Variants in SLC9A3 observed in about 807,000 individuals in gnomAD.
SLC9A3 encodes solute carrier family 9 member A3, also known as sodium/hydrogen exchanger 3.
In SLC9A3, 37 loss-of-function variants were observed where a neutral mutation model predicts 86.8. The ratio of observed to expected loss-of-function variants is 0.43; its 90% CI spans 0.33 to 0.56. The LOEUF (loss-of-function observed/expected upper bound fraction) is 0.56. Among genes scored for constraint, SLC9A3 ranks in the 20% least tolerant of loss-of-function variants. The pLI is 0.06. For missense variants in SLC9A3, 1,011 were observed against 1,171.9 expected (o/e 0.86, Z 2.00); for synonymous variants, 581 against 528.3 (o/e 1.10, Z -1.37).
Position 484,624 on chromosome 5 carries a change from C to T in SLC9A3, c.828G>A (p.Thr276=), listed in dbSNP as rs751031313. 6.0e-5 allele frequency: 96 copies of T among 1,613,122 alleles called. No individual in the cohort carries two copies. The highest frequency in any genetic ancestry group is 7.6e-5 in the Non-Finnish European group (90 of 1,179,954). ...VVFAFLLSLV[T]RFTKHVRIIE... ...TGATACGCACATGCTTGGTGAAGCG[C>T]GTCACCAGCGACAGCAGGAAGGCGA... is the stretch of plus-strand genomic sequence containing the variant. Residue 276 remains threonine (T), a synonymous_variant, in exon 5 of 17, where the codon ACG becomes ACA. Transcript: ENST00000264938.
At chr5:476,877 G>A (rs1327706026) in intron 11 of SLC9A3, among the ~76,000 whole-genome samples, 5 of 152,168 alleles carry the variant, frequency 3.3e-5, no homozygotes, top group Admixed American at 2.0e-4. Context: ...GACTCCCCAC[G>A]AGGCCTTCCT....
chr5:521,787 G>A (rs755289068), intron 1 of SLC9A3, among the ~76,000 whole-genome samples: 11 of 152,200 alleles, frequency 7.2e-5, no homozygotes, highest in Non-Finnish European at 1.3e-4. Context: ...AACACAGGTC[G>A]TGCACCTGAG....
chr5:479,785 G>A, intron 10 of SLC9A3, 51 bp downstream of exon 10: 3 of 1,602,158 alleles, frequency 1.9e-6, no homozygotes, highest in South Asian at 2.2e-5. Context: ...CCCACAGCCA[G>A]TGCCAGAGCC....
chr5:501,723 C>A (rs1185900156), intron 1 of SLC9A3, among the ~76,000 whole-genome samples: 1 of 152,266 alleles, frequency 6.6e-6, no homozygotes, highest in Non-Finnish European at 1.5e-5. Flanking sequence ...ACTTTACCCG[C>A]CTGTGGGGCA....
chr5:491,374 G>A lies in SLC9A3; in HGVS notation c.514+395C>T, dbSNP rs909489363. On this transcript the variant is annotated intron_variant, in intron 2 of 16. Transcript: ENST00000264938. This position sits in a 1 kb window ranked among gnomAD's most constrained non-coding sequence, Gnocchi z 9.2. ...GCTGTGGCTGCAGCGGTGGCCGAGC[G>A]GCTCCGGCACACAGGCTGGGAGGGA... 2.6e-5 allele frequency among the ~76,000 whole-genome samples: 4 copies of A among 152,150 alleles called. No individual in the cohort carries two copies. The highest frequency in any genetic ancestry group is 2.4e-5 in the African/African-American group (1 of 41,426).
At chr5:503,036 G>A (rs554903632) in intron 1 of SLC9A3, among the ~76,000 whole-genome samples, 5 of 152,156 alleles carry the variant, frequency 3.3e-5, no homozygotes, top group East Asian at 1.9e-4. Context: ...ACCAGTGGCC[G>A]GCCCACGGGC....
chr5:520,029 G>T (rs1289208325), intron 1 of SLC9A3, among the ~76,000 whole-genome samples: 1 of 152,130 alleles, frequency 6.6e-6, no homozygotes, highest in African/African-American at 2.4e-5. Context: ...AGCAACACAA[G>T]CTCCACTTCG....
chr5:492,559 A>G (rs936728892), intron 1 of SLC9A3, among the ~76,000 whole-genome samples: 2 of 151,766 alleles, frequency 1.3e-5, no homozygotes, highest in Non-Finnish European at 2.9e-5. Flanking sequence ...GCTGGGAACG[A>G]GGAGAGTGCA....
Position 476,024 on chromosome 5 carries a change from C to G in SLC9A3, c.2136G>C (p.Glu712Asp). The change falls in exon 14 of 17, where the codon GAG (glutamate) becomes GAC (aspartate). Residue 712 changes from glutamate to aspartate, a missense_variant. Glu to Asp is a conservative substitution (Grantham distance 45, BLOSUM62 2). Coordinates refer to ENST00000264938, the MANE Select transcript of SLC9A3 (RefSeq NM_004174.4). The stretch of plus-strand genomic sequence containing the variant: ...CCTGCAGGGCCCCCAGCGCACCTTT[C>G]TCCTTGATGGTGAAATTCTGCGCAG... Reference protein sequence around the residue: ...ESPAQNFTIKEKDLELSDTEE... With the variant: ...ESPAQNFTIKDKDLELSDTEE... The G allele has an allele frequency of 6.2e-7, 1 of 1,611,732 alleles. No homozygotes were observed. The highest frequency in any genetic ancestry group is 8.5e-7 in the Non-Finnish European group (1 of 1,179,138).
intron 2 of SLC9A3, among the ~76,000 whole-genome samples, chr5:489,113 C>G (rs60174161): frequency 0.082 from 12,553 of 152,280 alleles, 1,498 homozygotes; most frequent in African/African-American, 0.26. Context: ...CCATTCAACC[C>G]AGGGTTCAGG....
In SLC9A3 at chr5:471,897, A is replaced by G. The variant is rs1738377047; in HGVS notation, c.*1482T>C. Reference sequence around the variant, plus strand: ...CCACCAGGGACTCAATGGGGACTCAATGTGCAATATTCAGTCAACATAAAA... The same window carrying G: ...CCACCAGGGACTCAATGGGGACTCAGTGTGCAATATTCAGTCAACATAAAA... On this transcript the variant is annotated 3_prime_UTR_variant, in exon 17 of 17. Transcript: ENST00000264938. 2 of 456,554 alleles carry G rather than the reference A, an allele frequency of 4.4e-6. No individual in the cohort carries two copies. Among genetic ancestry groups the G allele is most frequent in the African/African-American group, 2.0e-5 (1 of 50,084 alleles). 28.3% of individuals were successfully genotyped at this position (456,554 alleles called of 1,614,324 possible). A position where few individuals can be genotyped will look rare whatever the true frequency, so the allele number is the denominator to read the frequency against.
In SLC9A3 at chr5:514,460, G is replaced by A. The variant is rs182810487; in HGVS notation, c.211+9652C>T. On this transcript the variant is annotated intron_variant, in intron 1 of 16. Transcript: ENST00000264938. ...CTTCCTGGGGCCCACCCTGCCCCCC[G>A]AGGCCCATCGGGTCTTGCCTGTCGG... is the stretch of plus-strand genomic sequence containing the variant. Among the ~76,000 whole-genome samples, 1,266 of 152,336 alleles carry A rather than the reference G, an allele frequency of 8.3e-3. 18 individuals are homozygous for A. Among genetic ancestry groups the A allele is most frequent in the African/African-American group, 0.029 (1,211 of 41,586 alleles).
At chr5:476,798 T>C (rs1316757933) in intron 11 of SLC9A3, 126 bp from the exon 12 acceptor site, 9 of 1,136,450 alleles carry the variant, frequency 7.9e-6, no homozygotes, top group Non-Finnish European at 1.1e-5. Context: ...CTTCCCATGG[T>C]GGGCACCCGG....
chr5:519,694 G>T (rs1006540327), intron 1 of SLC9A3, among the ~76,000 whole-genome samples: 1 of 152,120 alleles, frequency 6.6e-6, no homozygotes, highest in Non-Finnish European at 1.5e-5. Flanking sequence ...TTGGGGCCGG[G>T]AGCAGGGAAC....
chr5:482,977 G>A (rs1739288032), intron 6 of SLC9A3, among the ~76,000 whole-genome samples: 1 of 151,498 alleles, frequency 6.6e-6, no homozygotes, highest in Non-Finnish European at 1.5e-5. Context: ...GGTGCTGGGG[G>A]ATGGGGCTGG....
At position 522,912 on chromosome 5, in the gene SLC9A3, A is replaced by T. The variant is rs375228074; in HGVS notation, c.211+1200T>A. Among the ~76,000 whole-genome samples the T allele has an allele frequency of 7.5e-4, 114 of 152,212 alleles. 2 individuals carry two copies. The South Asian group carries it at 0.023, about 31-fold the overall frequency. ...CCTTCTCAAGGAAATCAACTGTAGG[A>T]GGCAGCCAGCCTCAGAGACTCCCCC... On this transcript the variant is annotated intron_variant, in intron 1 of 16. Transcript: ENST00000264938.
At chr5:481,441 C>T (rs1281704900) in intron 9 of SLC9A3, 124 bp downstream of exon 9, 5 of 852,160 alleles carry the variant, frequency 5.9e-6, no homozygotes, top group African/African-American at 3.3e-5. Context: ...TCATGGGGCA[C>T]CGGAGCCCTG....
At chr5:485,315 C>T (rs908038431) in intron 3 of SLC9A3, 84 bp from the exon 4 acceptor site, 23 of 1,125,828 alleles carry the variant, frequency 2.0e-5, no homozygotes, top group Admixed American at 1.3e-4. Flanking sequence ...TGGACTTGGC[C>T]CGAGTGTGGA....
rs150014281 is a variant in SLC9A3 at position 474,171 on chromosome 5, G to GGA, written c.2501+710_2501+711dup. On this transcript the variant is annotated intron_variant, in intron 16 of 16. Coordinates refer to ENST00000264938, the MANE Select transcript of SLC9A3 (RefSeq NM_004174.4). The stretch of plus-strand genomic sequence containing the variant: ...GGAGACCTGGAGGGAGAGGAGCTGC[G>GGA]GAGAGGGGTTAGGCGGGGAGGGAGA... Among the ~76,000 whole-genome samples, 1,041 of 141,914 alleles carry GGA rather than the reference G, an allele frequency of 7.3e-3. 8 individuals are homozygous for GGA. Among genetic ancestry groups the GGA allele is most frequent in the African/African-American group, 0.021 (751 of 36,384 alleles). The allele number at this position is 141,914 out of a possible 152,430, so 93.1% of individuals were successfully genotyped here. A position where few individuals can be genotyped will look rare whatever the true frequency, so the allele number is the denominator to read the frequency against.
Sources: allele counts gnomAD v4.1 joint callset (sites outside exome capture counted in the v4.1 genomes callset), GRCh38; gene constraint gnomAD v4.1.1; non-coding constraint Gnocchi (gnomAD v3.1); transcripts MANE v1.5; gene names NCBI Gene and HGNC (gene_info 2026-07-23, HGNC 2026-07-21).